ZBTB20: variants seen among roughly 807,000 people sequenced by gnomAD.
The protein encoded by ZBTB20 is zinc finger and BTB domain containing 20.
Under a neutral mutation model 56.9 loss-of-function variants are expected in ZBTB20, and 9 were observed. The observed-to-expected ratio is 0.16, with a 90% CI of 0.10 to 0.28. The LOEUF (loss-of-function observed/expected upper bound fraction) is 0.28, where lower values mean the gene tolerates loss of function less well. ZBTB20 is among the 10% of genes least tolerant of loss of function. ZBTB20 has a pLI of 1.00. For missense variants in ZBTB20, 655 were observed against 1,003.0 expected, an observed-to-expected ratio of 0.65 and a Z score of 4.69; for synonymous variants, 417 against 420.7, an observed-to-expected ratio of 0.99 and a Z score of 0.11.
intron 11 of ZBTB20, among the ~76,000 whole-genome samples, chr3:114,342,388 G>A (rs975691902): frequency 6.6e-6 from 1 of 152,206 alleles, no homozygotes; most frequent in South Asian, 2.1e-4. Flanking sequence ...GGAATGGCAA[G>A]TCTGATTTGT....
intron 6 of ZBTB20, among the ~76,000 whole-genome samples, chr3:114,634,395 T>C (rs999049191): frequency 2.0e-5 from 3 of 152,276 alleles, no homozygotes; most frequent in Middle Eastern, 3.4e-3. Context: ...TATAGACCCA[T>C]AGGCATGTTA....
chr3:114,392,406 T>C (rs1191637859), intron 7 of ZBTB20, among the ~76,000 whole-genome samples: 1 of 152,164 alleles, frequency 6.6e-6, no homozygotes, highest in African/African-American at 2.4e-5. Flanking sequence ...TATATACACC[T>C]ACTATGTACC....
chr3:114,431,778 A>C (rs2090141839), intron 7 of ZBTB20, among the ~76,000 whole-genome samples: 1 of 152,210 alleles, frequency 6.6e-6, no homozygotes, highest in Non-Finnish European at 1.5e-5. Context: ...CAAAGGTAAA[A>C]ACAGCATTGA....
chr3:115,004,625 G>T (rs1446213449), intron 2 of ZBTB20, among the ~76,000 whole-genome samples: 2 of 151,606 alleles, frequency 1.3e-5, no homozygotes, highest in African/African-American at 2.4e-5. Context: ...TCCTCTCATT[G>T]TTCATAGATG....
At chr3:115,130,246 G>A (rs963625482) in intron 1 of ZBTB20, among the ~76,000 whole-genome samples, 1 of 151,708 alleles carries the variant, frequency 6.6e-6, no homozygotes, top group Non-Finnish European at 1.5e-5. Flanking sequence ...TCTGCATTCT[G>A]TTACTTTGTT....
intron 2 of ZBTB20, among the ~76,000 whole-genome samples, chr3:115,064,417 G>C (rs1293983568): frequency 7.4e-6 from 1 of 135,818 alleles, no homozygotes; most frequent in Non-Finnish European, 1.6e-5. Flanking sequence ...AGAATTCAAA[G>C]TTAAAAGTAA....
chr3:115,016,583 C>T (rs556055353), intron 2 of ZBTB20, among the ~76,000 whole-genome samples: 1 of 151,866 alleles, frequency 6.6e-6, no homozygotes, highest in Admixed American at 6.6e-5. Context: ...TTCCCCATTG[C>T]TTGTTTTTGT....
chr3:114,645,584 T>C (rs747178649), intron 6 of ZBTB20, among the ~76,000 whole-genome samples: 4 of 152,206 alleles, frequency 2.6e-5, no homozygotes, highest in Non-Finnish European at 4.4e-5. Flanking sequence ...ATAGCATTGT[T>C]GAGGGTCAAA....
intron 3 of ZBTB20, among the ~76,000 whole-genome samples, chr3:114,959,711 TTA>T (rs1278573732): frequency 7.9e-5 from 9 of 114,132 alleles, no homozygotes; most frequent in African/African-American, 2.5e-4. Flanking sequence ...ACATCTATAT[TTA>T]TATACATACA....
chr3:114,997,743 T>C lies in ZBTB20; in HGVS notation c.-506-23327A>G, dbSNP rs2079084621. Among the ~76,000 whole-genome samples the C allele has an allele frequency of 2.0e-5, 3 of 151,866 alleles. No homozygotes were observed. In the South Asian group the frequency reaches 6.2e-4, roughly 31 times the overall value. On this transcript the variant is annotated intron_variant, in intron 2 of 11. Transcript: ENST00000675478. The stretch of plus-strand genomic sequence containing the variant: ...CAGATTAGTCTTTTTAAGTGGTAGG[T>C]TAATTTCTTTTTACAAAACTTCATG...
chr3:114,355,186 T>C (rs1469052571), intron 10 of ZBTB20, among the ~76,000 whole-genome samples: 1 of 151,824 alleles, frequency 6.6e-6, no homozygotes, highest in Non-Finnish European at 1.5e-5. Context: ...CACAATTCCA[T>C]GAGAAAAATC....
chr3:114,456,253 A>C (rs1426395119), intron 7 of ZBTB20, among the ~76,000 whole-genome samples: 1 of 152,060 alleles, frequency 6.6e-6, no homozygotes, highest in Non-Finnish European at 1.5e-5. Flanking sequence ...GCTAGGAACA[A>C]GGGATTTAAG....
At chr3:114,369,652 T>C (rs144953077) in intron 10 of ZBTB20, among the ~76,000 whole-genome samples, 1 of 152,308 alleles carries the variant, frequency 6.6e-6, no homozygotes, top group African/African-American at 2.4e-5. Context: ...GAAAGCAGCA[T>C]ACTTTAAGTA....
intron 4 of ZBTB20, among the ~76,000 whole-genome samples, chr3:114,820,210 C>T (rs956613663): frequency 2.0e-5 from 3 of 151,580 alleles, no homozygotes; most frequent in Non-Finnish European, 4.4e-5. Context: ...TGGAAAATGA[C>T]CTAAATGTCA....
At chr3:115,000,807 T>TA (rs907429064) in intron 2 of ZBTB20, among the ~76,000 whole-genome samples, 1 of 151,542 alleles carries the variant, frequency 6.6e-6, no homozygotes, top group Admixed American at 6.6e-5. Flanking sequence ...TCATTATATA[T>TA]TTTTAAAGAA....
intron 5 of ZBTB20, among the ~76,000 whole-genome samples, chr3:114,761,055 T>A (rs1365067099): frequency 6.6e-6 from 1 of 152,150 alleles, no homozygotes; most frequent in African/African-American, 2.4e-5. Context: ...TATACAGAAT[T>A]CTTGGTGTTA....
chr3:114,726,369 T>C (rs1196580710), intron 5 of ZBTB20, among the ~76,000 whole-genome samples: 1 of 152,210 alleles, frequency 6.6e-6, no homozygotes, highest in African/African-American at 2.4e-5. Flanking sequence ...AAATCACTTG[T>C]AGTTTCTGGT....
chr3:114,400,774 T>G (rs540829682), intron 7 of ZBTB20, among the ~76,000 whole-genome samples: 1 of 151,818 alleles, frequency 6.6e-6, no homozygotes, highest in Non-Finnish European at 1.5e-5. Flanking sequence ...GCCCACATGA[T>G]TTCACCTGGC....
intron 5 of ZBTB20, among the ~76,000 whole-genome samples, chr3:114,708,041 A>C (rs1285897880): frequency 1.3e-5 from 2 of 152,206 alleles, no homozygotes; most frequent in African/African-American, 2.4e-5. Flanking sequence ...AGTTAGGACA[A>C]GCAAGAGAGG....
Sources: allele counts gnomAD v4.1 joint callset (sites outside exome capture counted in the v4.1 genomes callset), GRCh38; gene constraint gnomAD v4.1.1; transcripts MANE v1.5; gene names NCBI Gene and HGNC (gene_info 2026-07-23, HGNC 2026-07-21).